PLEKHD1: variants seen among roughly 807,000 people sequenced by gnomAD.
PLEKHD1 encodes pleckstrin homology and coiled-coil domain containing D1.
Under a neutral mutation model 69.2 loss-of-function variants are expected in PLEKHD1, and 51 were observed. The observed-to-expected ratio is 0.74, with a 90% CI of 0.59 to 0.93. PLEKHD1 has a LOEUF of 0.93. Ranked by LOEUF, PLEKHD1 falls within the 40% of genes least tolerant of loss-of-function variation. PLEKHD1 has a pLI of 0.00. For missense variants in PLEKHD1, 584 were observed against 641.0 expected, an observed-to-expected ratio of 0.91 and a Z score of 0.96; for synonymous variants, 236 against 244.7, an observed-to-expected ratio of 0.96 and a Z score of 0.33.
chr14:69,495,116 T>C (rs17107026), intron 1 of PLEKHD1, among the ~76,000 whole-genome samples: 14,010 of 152,182 alleles, frequency 0.092, 1,153 homozygotes, highest in African/African-American at 0.23. Context: ...GAGCAAAGAC[T>C]ACCCTGAACA....
chr14:69,503,863 C>CAAAAAA (rs35831952), intron 6 of PLEKHD1, among the ~76,000 whole-genome samples: 1 of 39,136 alleles, frequency 2.6e-5, no homozygotes, highest in African/African-American at 8.0e-5. Flanking sequence ...GACTCCGTCT[C>CAAAAAA]AAAAAAAAAA....
the PLEKHD1 span, among the ~76,000 whole-genome samples, chr14:69,469,627 CAT>C: frequency 2.4e-4 from 36 of 152,010 alleles, no homozygotes; most frequent in African/African-American, 8.5e-4. Context: ...GCCTAGGCAA[CAT>C]AGAATTATTG....
At chr14:69,514,603 G>A (rs1883342079) in intron 6 of PLEKHD1, among the ~76,000 whole-genome samples, 1 of 151,850 alleles carries the variant, frequency 6.6e-6, no homozygotes, top group South Asian at 2.1e-4. Flanking sequence ...TCTTCAAATT[G>A]TGTTTTTTAC....
chr14:69,482,626 C>T (rs537664561), upstream of PLEKHD1, among the ~76,000 whole-genome samples: 1 of 152,316 alleles, frequency 6.6e-6, no homozygotes, highest in East Asian at 1.9e-4. Flanking sequence ...TCACCCAAGG[C>T]ACGTCAGATG....
At chr14:69,474,332 A>G in the PLEKHD1 span, among the ~76,000 whole-genome samples, 2 of 152,198 alleles carry the variant, frequency 1.3e-5, no homozygotes, top group Non-Finnish European at 2.9e-5. Context: ...ATCTGCTGGC[A>G]CATAGACCTC....
chr14:69,501,708 C>G, intron 4 of PLEKHD1, 26 bp from the exon 5 acceptor site: 1 of 1,507,030 alleles, frequency 6.6e-7, no homozygotes, highest in Non-Finnish European at 9.0e-7. Flanking sequence ...CTTCTCTCCT[C>G]TGTCCCATCT....
Position 69,526,795 on chromosome 14 carries a change from C to G in PLEKHD1, c.1022C>G (p.Thr341Arg). 1.3e-6 allele frequency: 2 copies of G among 1,549,670 alleles called. No homozygotes were observed. The highest frequency in any genetic ancestry group is 1.7e-6 in the Non-Finnish European group (2 of 1,146,064). The part of the protein sequence containing the change: ...QALQNSLQEL[T>R]AEKQQAEREL... ...CTGCAGAACTCGCTGCAGGAGCTGA[C>G]GGCAGAGAAGCAGCAGGCTGAGCGG... Residue 341 changes from threonine (T) to arginine (R), a missense_variant, in exon 10 of 13, where the codon ACG (threonine) becomes AGG (arginine). Thr to Arg is a moderately conservative substitution (Grantham distance 71). Coordinates refer to ENST00000322564, the MANE Select transcript of PLEKHD1 (RefSeq NM_001161498.2).
the PLEKHD1 span, among the ~76,000 whole-genome samples, chr14:69,475,848 C>A: frequency 6.6e-6 from 1 of 152,170 alleles, no homozygotes; most frequent in African/African-American, 2.4e-5. Context: ...TCCTGGGTTG[C>A]CCTGGGGGAA....
rs989778866 is a variant in PLEKHD1 at position 69,501,515 on chromosome 14, A to C, written c.411-219A>C. ...CTGTTGGCCCAGCCCCCAGTGGCCC[A>C]CTTTGCAGCCTGGGCCAGCCTCCAG... is the stretch of plus-strand genomic sequence containing the variant. On this transcript the variant is annotated intron_variant, in intron 4 of 12. Transcript: ENST00000322564. The C allele has an allele frequency of 6.7e-6, 3 of 450,286 alleles. No individual in the cohort carries two copies. The East Asian group carries it at 1.2e-4, about 18-fold the overall frequency. 27.9% of individuals were successfully genotyped at this position (450,286 alleles called of 1,614,324 possible). A position where few individuals can be genotyped will look rare whatever the true frequency, so the allele number is the denominator to read the frequency against.
At chr14:69,511,524 G>T (rs1000503651) in intron 6 of PLEKHD1, among the ~76,000 whole-genome samples, 2 of 151,944 alleles carry the variant, frequency 1.3e-5, no homozygotes, top group African/African-American at 4.8e-5. Context: ...GAAAGATACT[G>T]GTCTGTAGTT....
At position 69,485,551 on chromosome 14, in the gene PLEKHD1, C is replaced by G. The variant is rs981422112; in HGVS notation, c.149+437C>G. 9.3e-5 allele frequency among the ~76,000 whole-genome samples: 13 copies of G among 139,870 alleles called. No individual in the cohort carries two copies. The South Asian group carries it at 1.5e-3, about 16-fold the overall frequency. The allele number at this position is 139,870 out of a possible 152,430, so 91.8% of individuals were successfully genotyped here. A position where few individuals can be genotyped will look rare whatever the true frequency, so the allele number is the denominator to read the frequency against. ...CGCGAGGACCGGGCCTGAGTGTCTC[C>G]CTCCCGCCAACCACCCACCCTTAAG... is the stretch of plus-strand genomic sequence containing the variant. On this transcript the variant is annotated intron_variant, in intron 1 of 12. Coordinates refer to ENST00000322564, the MANE Select transcript of PLEKHD1 (RefSeq NM_001161498.2).
At chr14:69,483,922 C>A (rs1882593868), upstream of PLEKHD1, among the ~76,000 whole-genome samples, 1 of 152,264 alleles carries the variant, frequency 6.6e-6, no homozygotes. Context: ...CAAACGCCAA[C>A]TCCGAAAGGA....
rs1020378342 is a variant in PLEKHD1 at position 69,528,730 on chromosome 14, G to A, written c.*311G>A. 1 of 367,866 alleles carries A rather than the reference G, an allele frequency of 2.7e-6. No homozygotes were observed. Among genetic ancestry groups the A allele is most frequent in the Admixed American group, 4.1e-5 (1 of 24,572 alleles). 22.8% of individuals were successfully genotyped at this position (367,866 alleles called of 1,614,324 possible). A position where few individuals can be genotyped will look rare whatever the true frequency, so the allele number is the denominator to read the frequency against. ...TGGAGATTTGTGTCGGTTAGGGAGTGGGGTGGGGAGGTGCTGTCTACCACT... is the reference window on the plus strand; with the variant it reads ...TGGAGATTTGTGTCGGTTAGGGAGTAGGGTGGGGAGGTGCTGTCTACCACT... On this transcript the variant is annotated 3_prime_UTR_variant, in exon 13 of 13. Transcript: ENST00000322564.
chr14:69,495,187 G>A (rs1882860652), intron 1 of PLEKHD1, among the ~76,000 whole-genome samples: 1 of 152,176 alleles, frequency 6.6e-6, no homozygotes, highest in Non-Finnish European at 1.5e-5. Flanking sequence ...GAGAAGAAGG[G>A]ATATGACATT....
chr14:69,479,428 T>C, the PLEKHD1 span, among the ~76,000 whole-genome samples: 2 of 152,024 alleles, frequency 1.3e-5, no homozygotes, highest in South Asian at 4.2e-4. Flanking sequence ...AGAGCACGCA[T>C]GATGGTGGGG....
At chr14:69,474,630 G>A in the PLEKHD1 span, among the ~76,000 whole-genome samples, 2 of 152,192 alleles carry the variant, frequency 1.3e-5, no homozygotes, top group African/African-American at 4.8e-5. Flanking sequence ...CTGTTTGGGA[G>A]TTCTGGTCTG....
chr14:69,492,434 AT>A (rs1240912685), intron 1 of PLEKHD1, among the ~76,000 whole-genome samples: 1 of 152,206 alleles, frequency 6.6e-6, no homozygotes, highest in Non-Finnish European at 1.5e-5. Flanking sequence ...ATTGTGGCAC[AT>A]TACAATGTTG....
intron 1 of PLEKHD1, among the ~76,000 whole-genome samples, chr14:69,496,053 G>A (rs1882881821): frequency 6.6e-6 from 1 of 152,208 alleles, no homozygotes; most frequent in African/African-American, 2.4e-5. Context: ...ATCAATGGAG[G>A]AATCTTTATA....
intron 1 of PLEKHD1, among the ~76,000 whole-genome samples, chr14:69,492,393 T>A (rs1006168882): frequency 6.6e-6 from 1 of 152,210 alleles, no homozygotes; most frequent in African/African-American, 2.4e-5. Context: ...ACTCTTCCTA[T>A]ACCTAATATA....
Sources: gnomAD v4.1 joint callset for allele counts (sites outside exome capture counted in the v4.1 genomes callset) on GRCh38, gnomAD v4.1.1 for gene constraint, MANE v1.5 for transcripts, NCBI Gene and HGNC (gene_info 2026-07-23, HGNC 2026-07-21) for gene names.